Variants in SMAD3 observed in about 807,000 individuals in gnomAD.
SMAD3 encodes MAD homolog 3.
In SMAD3, 12 loss-of-function variants were observed where a neutral mutation model predicts 51.8. The ratio of observed to expected loss-of-function variants is 0.23; its 90% CI spans 0.15 to 0.38. The LOEUF is 0.38. SMAD3 is among the 10% of genes least tolerant of loss of function. SMAD3 has a pLI of 1.00. For synonymous variants in SMAD3, 238 were observed against 227.7 expected, an observed-to-expected ratio of 1.05 and a Z score of -0.41; for missense variants, 294 against 565.6, an observed-to-expected ratio of 0.52 and a Z score of 4.87.
chr15:67,138,352 TC>T, intron 1 of SMAD3: 2 of 435,144 alleles, frequency 4.6e-6, no homozygotes, highest in Non-Finnish European at 4.2e-6. Context: ...GAACCCCCCC[TC>T]CCCCGGCCCC....
intron 1 of SMAD3, among the ~76,000 whole-genome samples, chr15:67,095,780 C>G (rs1461564946): frequency 6.6e-6 from 1 of 152,184 alleles, no homozygotes; most frequent in African/African-American, 2.4e-5. Flanking sequence ...GGTGATCCAG[C>G]CTTGGGCTCC....
chr15:67,097,562 C>T (rs1960641810), intron 1 of SMAD3, among the ~76,000 whole-genome samples: 1 of 152,088 alleles, frequency 6.6e-6, no homozygotes, highest in Admixed American at 6.6e-5. Flanking sequence ...CATCTCTTAA[C>T]TAGTTGTTTG....
At chr15:67,111,586 G>T (rs1961015305) in intron 1 of SMAD3, among the ~76,000 whole-genome samples, 1 of 152,180 alleles carries the variant, frequency 6.6e-6, no homozygotes, top group Non-Finnish European at 1.5e-5. Flanking sequence ...CAAAGTGGTT[G>T]TGTGGTTGTA....
intron 1 of SMAD3, among the ~76,000 whole-genome samples, chr15:67,124,413 A>G (rs1566976049): frequency 6.6e-6 from 1 of 151,166 alleles, no homozygotes; most frequent in African/African-American, 2.4e-5. Context: ...TAACTTCACA[A>G]CCTGGGTCCA....
At chr15:67,066,466 GGAGT>G (rs577563650) in intron 1 of SMAD3, 106 bp downstream of exon 1, 672 of 927,238 alleles carry the variant, frequency 7.2e-4, no homozygotes, top group Non-Finnish European at 1.1e-3. Context: ...AGAGAGGGAG[GGAGT>G]GAGACTGTGT....
At chr15:67,188,841 A>G (rs937755872) in intron 8 of SMAD3, among the ~76,000 whole-genome samples, 1 of 152,266 alleles carries the variant, frequency 6.6e-6, no homozygotes, top group African/African-American at 2.4e-5. Flanking sequence ...TCAGATTCTC[A>G]TTAGAGGATT....
At chr15:67,190,143 A>AT (rs1963322997) in intron 8 of SMAD3, among the ~76,000 whole-genome samples, 1 of 152,002 alleles carries the variant, frequency 6.6e-6, no homozygotes, top group Non-Finnish European at 1.5e-5. Flanking sequence ...GACTTTACAT[A>AT]TTTAACTCTT....
chr15:67,078,184 A>G (rs975515123), intron 1 of SMAD3: 8 of 152,272 alleles, frequency 5.3e-5, no homozygotes, highest in African/African-American at 1.9e-4. Context: ...GCGTTCAGGT[A>G]ATTAGCCAGT....
intron 1 of SMAD3, among the ~76,000 whole-genome samples, chr15:67,076,234 G>C (rs544716151): frequency 1.3e-5 from 2 of 152,038 alleles, no homozygotes; most frequent in Admixed American, 1.3e-4. Context: ...ATTCTTAGGC[G>C]GTTCTGCCCT....
chr15:67,182,999 AAATATATATATATAT>A (rs1963112081), intron 6 of SMAD3, among the ~76,000 whole-genome samples: 1 of 50,246 alleles, frequency 2.0e-5, no homozygotes, highest in African/African-American at 8.7e-5. Context: ...AAAAAAAAAA[AAATATATATATATAT>A]ATATATATAT....
chr15:67,156,216 A>G (rs1260673533), intron 1 of SMAD3, among the ~76,000 whole-genome samples: 1 of 152,226 alleles, frequency 6.6e-6, no homozygotes, highest in Non-Finnish European at 1.5e-5. Flanking sequence ...TCCATTAAAC[A>G]TAGCAGATGG....
chr15:67,070,696 C>T lies in SMAD3; in HGVS notation c.206+4336C>T, dbSNP rs118021487. Among the ~76,000 whole-genome samples the T allele has an allele frequency of 6.2e-3, 931 of 149,988 alleles. 6 individuals carry two copies. Among genetic ancestry groups the T allele is most frequent in the Admixed American group, 9.4e-3 (141 of 14,948 alleles). ...TAGTATGGATGATTTTTGATGGGGGCGGGCGTTGATGTGCCTTTTAAATAT... is the reference window on the plus strand; with the variant it reads ...TAGTATGGATGATTTTTGATGGGGGTGGGCGTTGATGTGCCTTTTAAATAT... On this transcript the variant is annotated intron_variant, in intron 1 of 8. Transcript: ENST00000327367.
intron 1 of SMAD3, among the ~76,000 whole-genome samples, chr15:67,124,541 TAGAAAA>T (rs1961340740): frequency 1.3e-5 from 2 of 152,276 alleles, no homozygotes; most frequent in South Asian, 2.1e-4. Context: ...CAAAGGGAAT[TAGAAAA>T]AGAAAAAGAT....
chr15:67,137,366 A>G (rs1961692925), intron 1 of SMAD3, among the ~76,000 whole-genome samples: 1 of 152,110 alleles, frequency 6.6e-6, no homozygotes, highest in African/African-American at 2.4e-5. Flanking sequence ...GCTTTTTTAA[A>G]CTGAAATTAT....
chr15:67,125,964 G>T, intron 1 of SMAD3: 1 of 985,602 alleles, frequency 1.0e-6, no homozygotes. Flanking sequence ...ACTCGGGCCT[G>T]TGTTGAGCAA....
intron 1 of SMAD3, among the ~76,000 whole-genome samples, chr15:67,095,076 G>T (rs1209267674): frequency 2.0e-5 from 3 of 151,886 alleles, no homozygotes; most frequent in Non-Finnish European, 4.4e-5. Context: ...TTACCACCTT[G>T]CTGTGAGCTG....
intron 1 of SMAD3, among the ~76,000 whole-genome samples, chr15:67,089,165 A>C (rs1263575255): frequency 1.3e-5 from 2 of 152,158 alleles, no homozygotes; most frequent in Non-Finnish European, 2.9e-5. Context: ...ATGGCTGCTT[A>C]GTTCTGAAGA....
At chr15:67,121,482 C>G (rs530307647) in intron 1 of SMAD3, among the ~76,000 whole-genome samples, 4 of 151,890 alleles carry the variant, frequency 2.6e-5, no homozygotes, top group Non-Finnish European at 4.4e-5. Context: ...TGCAGATGGG[C>G]GGGGGGTGGC....
chr15:67,074,487 GC>G (rs1387962197), intron 1 of SMAD3, among the ~76,000 whole-genome samples: 1 of 152,212 alleles, frequency 6.6e-6, no homozygotes, highest in Non-Finnish European at 1.5e-5. Flanking sequence ...GTAAGCATGA[GC>G]CTTTTGTTAG....
Sources: gnomAD v4.1 joint callset for allele counts (sites outside exome capture counted in the v4.1 genomes callset) on GRCh38, gnomAD v4.1.1 for gene constraint, MANE v1.5 for transcripts, NCBI Gene and HGNC (gene_info 2026-07-23, HGNC 2026-07-21) for gene names.